The following LRMDA variants were observed in gnomAD, a reference collection of about 807,000 sequenced individuals.
The protein encoded by LRMDA is leucine-rich melanocyte differentiation-associated protein.
LRMDA carries 18 observed loss-of-function variants against 29.8 expected under a neutral mutation model. The observed-to-expected ratio is 0.60, with a 90% CI of 0.42 to 0.90. The LOEUF is 0.90. Among genes scored for constraint, LRMDA ranks in the 40% least tolerant of loss-of-function variants. The probability of loss-of-function intolerance (pLI) is 0.00; values close to 1 mark genes in which losing one functional copy is unlikely to be tolerated. For synonymous variants in LRMDA, 125 were observed against 109.4 expected (o/e 1.14, Z -0.89); for missense variants, 273 against 273.9 (o/e 1.00, Z 0.02).
At chr10:75,757,318 G>T (rs917413676) in intron 2 of LRMDA, among the ~76,000 whole-genome samples, 2 of 152,212 alleles carry the variant, frequency 1.3e-5, no homozygotes, top group African/African-American at 4.8e-5. Context: ...TTAGGAAATT[G>T]TACGAGAGGT....
intron 5 of LRMDA, among the ~76,000 whole-genome samples, chr10:76,136,806 A>G (rs1850103930): frequency 6.6e-6 from 1 of 152,178 alleles, no homozygotes; most frequent in Non-Finnish European, 1.5e-5. Context: ...AAATTATATG[A>G]TGGACCATAT....
chr10:76,494,354 A>G (rs1907327), intron 6 of LRMDA, among the ~76,000 whole-genome samples: 54,312 of 149,230 alleles, frequency 0.36, 10,989 homozygotes, highest in Middle Eastern at 0.53. Context: ...ATGACTGTTA[A>G]TGTTTTGTAA....
intron 6 of LRMDA, among the ~76,000 whole-genome samples, chr10:76,408,627 T>C (rs1483415235): frequency 3.9e-5 from 6 of 152,236 alleles, no homozygotes; most frequent in Non-Finnish European, 1.5e-5. Flanking sequence ...AGGATCAAAC[T>C]GTCCAGTTTT....
intron 5 of LRMDA, among the ~76,000 whole-genome samples, chr10:76,114,708 G>C (rs76885804): frequency 0.026 from 4,026 of 152,266 alleles, 196 homozygotes; most frequent in African/African-American, 0.092. Flanking sequence ...TGCCAGATGA[G>C]AGATGATTTA....
chr10:76,109,095 G>A lies in LRMDA; in HGVS notation c.516+50312G>A, dbSNP rs142820122. Reference sequence around the variant, plus strand: ...TGGTTGTAGCTCTCCCTCGCTGAGAGGTCATGACCTCCAGCTTAATGTCAG... The same window carrying A: ...TGGTTGTAGCTCTCCCTCGCTGAGAAGTCATGACCTCCAGCTTAATGTCAG... On this transcript the variant is annotated intron_variant, in intron 5 of 6. Coordinates refer to ENST00000611255, the MANE Select transcript of LRMDA (RefSeq NM_001305581.2). Among the ~76,000 whole-genome samples the A allele has an allele frequency of 1.7e-4, 26 of 152,278 alleles. No homozygotes were observed. In the East Asian group the frequency reaches 4.5e-3, roughly 26 times the overall value.
intron 2 of LRMDA, among the ~76,000 whole-genome samples, chr10:75,860,418 T>C (rs796873879): frequency 6.8e-5 from 10 of 147,168 alleles, no homozygotes; most frequent in African/African-American, 2.5e-4. Flanking sequence ...GCCTCCCAGG[T>C]TCAAGTGATT....
intron 2 of LRMDA, among the ~76,000 whole-genome samples, chr10:75,550,019 A>G (rs112729938): frequency 1.2e-4 from 19 of 152,284 alleles, no homozygotes; most frequent in Non-Finnish European, 2.4e-4. Flanking sequence ...GTGTGAATGT[A>G]CCACAATTCT....
chr10:75,671,666 T>C (rs1841892988), intron 2 of LRMDA, among the ~76,000 whole-genome samples: 2 of 152,050 alleles, frequency 1.3e-5, no homozygotes, highest in South Asian at 4.1e-4. Flanking sequence ...AGGGATAGCA[T>C]TAACAGAAAT....
At chr10:76,421,442 A>T (rs1175213173) in intron 6 of LRMDA, among the ~76,000 whole-genome samples, 1 of 152,154 alleles carries the variant, frequency 6.6e-6, no homozygotes, top group African/African-American at 2.4e-5. Context: ...GCAGTATATT[A>T]CTTTGAAATC....
rs71024586 is a variant in LRMDA at position 76,084,364 on chromosome 10, A to ATTTTTTTT, written c.516+25605_516+25612dup. Among the ~76,000 whole-genome samples, 27 of 70,932 alleles carry ATTTTTTTT rather than the reference A, an allele frequency of 3.8e-4. 1 individual carries two copies. The highest frequency in any genetic ancestry group is 5.2e-4 in the Non-Finnish European group (20 of 38,658). The allele number at this position is 70,932 out of a possible 152,430, so 46.5% of individuals were successfully genotyped here. ...GGGTATGTGCCACTGCGCCCAGCTA[A>ATTTTTTTT]TTTTTTTTTTTTTTTTTTTTTTTTT... On this transcript the variant is annotated intron_variant, in intron 5 of 6. Transcript: ENST00000611255.
chr10:75,610,673 A>G (rs983319429), intron 2 of LRMDA, among the ~76,000 whole-genome samples: 4 of 152,074 alleles, frequency 2.6e-5, no homozygotes, highest in Non-Finnish European at 5.9e-5. Context: ...AGGCAGGCCC[A>G]GGTTCCCCAG....
chr10:75,891,677 G>T (rs1269876827), intron 2 of LRMDA, among the ~76,000 whole-genome samples: 1 of 152,176 alleles, frequency 6.6e-6, no homozygotes. Context: ...GATCACTCTG[G>T]TTGGTGGATC....
intron 2 of LRMDA, among the ~76,000 whole-genome samples, chr10:75,498,482 G>A (rs1189581593): frequency 1.3e-5 from 2 of 152,192 alleles, no homozygotes; most frequent in South Asian, 4.1e-4. Context: ...GTGTGCATGC[G>A]TGCGTGTGTG....
At chr10:75,676,653 C>T (rs1292371545) in intron 2 of LRMDA, among the ~76,000 whole-genome samples, 2 of 152,192 alleles carry the variant, frequency 1.3e-5, no homozygotes, top group East Asian at 3.9e-4. Flanking sequence ...TGCATGGCCA[C>T]ACTTCTGCTT....
intron 5 of LRMDA, among the ~76,000 whole-genome samples, chr10:76,303,496 T>C (rs1840509017): frequency 6.6e-6 from 1 of 152,152 alleles, no homozygotes; most frequent in South Asian, 2.1e-4. Flanking sequence ...GCACTATCTG[T>C]GAAACCTCTA....
chr10:76,536,352 G>A (rs1207609926), intron 6 of LRMDA, among the ~76,000 whole-genome samples: 2 of 151,942 alleles, frequency 1.3e-5, no homozygotes, highest in Admixed American at 6.6e-5. Flanking sequence ...GCATTTGATG[G>A]TTAAGGCTTT....
intron 2 of LRMDA, among the ~76,000 whole-genome samples, chr10:75,752,024 AAAAT>A (rs1015553820): frequency 2.7e-5 from 4 of 150,030 alleles, no homozygotes; most frequent in African/African-American, 5.0e-5. Flanking sequence ...TTCCTACTGT[AAAAT>A]AAATAAATAT....
At chr10:75,529,902 C>T (rs900115888) in intron 2 of LRMDA, among the ~76,000 whole-genome samples, 3 of 151,812 alleles carry the variant, frequency 2.0e-5, no homozygotes, top group Non-Finnish European at 4.4e-5. Flanking sequence ...GAGTGAACCA[C>T]AGTAGGAAAT....
chr10:76,144,606 G>C (rs575668829), intron 5 of LRMDA, among the ~76,000 whole-genome samples: 2 of 152,164 alleles, frequency 1.3e-5, no homozygotes, highest in Non-Finnish European at 2.9e-5. Flanking sequence ...AGACAGTGGG[G>C]TTTTCTAGAT....
Sources: allele counts gnomAD v4.1 joint callset (sites outside exome capture counted in the v4.1 genomes callset), GRCh38; gene constraint gnomAD v4.1.1; transcripts MANE v1.5; gene names NCBI Gene and HGNC (gene_info 2026-07-23, HGNC 2026-07-21).